The following GALNT9 variants were observed in gnomAD, a reference collection of about 807,000 sequenced individuals.
GALNT9 encodes the protein GalNAc transferase 9.
Under a neutral mutation model 63.1 loss-of-function variants are expected in GALNT9, and 47 were observed. The ratio of observed to expected loss-of-function variants is 0.75; its 90% CI spans 0.59 to 0.95. The LOEUF (loss-of-function observed/expected upper bound fraction) is 0.95, where lower values mean the gene tolerates loss of function less well. GALNT9 is among the 40% of genes least tolerant of loss of function. The pLI is 0.00. For synonymous variants in GALNT9, 396 were observed against 365.7 expected (o/e 1.08, Z -0.94); for missense variants, 829 against 874.8 (o/e 0.95, Z 0.66).
At chr12:132,198,512 T>G (rs1276257181) in intron 9 of GALNT9, among the ~76,000 whole-genome samples, 90 of 150,556 alleles carry the variant, frequency 6.0e-4, no homozygotes, top group Non-Finnish European at 1.2e-4. Context: ...AACAGCACTA[T>G]TGCCGTGTTA....
At chr12:132,272,864 G>A (rs1331340445) in intron 2 of GALNT9, 1 of 152,264 alleles carries the variant, frequency 6.6e-6, no homozygotes, top group Non-Finnish European at 1.5e-5. Flanking sequence ...TGGACCTCGT[G>A]TGCCTTCCCC....
intron 6 of GALNT9, among the ~76,000 whole-genome samples, chr12:132,204,672 G>T (rs530310229): frequency 6.6e-6 from 1 of 152,014 alleles, no homozygotes; most frequent in African/African-American, 2.4e-5. Context: ...CTAAGCCCAC[G>T]TCCCCACCAT....
intron 6 of GALNT9, among the ~76,000 whole-genome samples, chr12:132,225,559 CAT>C (rs1877637713): frequency 6.8e-6 from 1 of 146,746 alleles, no homozygotes; most frequent in African/African-American, 2.5e-5. Context: ...CCACACTGTA[CAT>C]ACACACCCCA....
In GALNT9 at chr12:132,316,871, G is replaced by A. The variant is rs1009070780; in HGVS notation, c.238+12095C>T. On this transcript the variant is annotated intron_variant, in intron 1 of 10. Coordinates refer to ENST00000328957, the MANE Select transcript of GALNT9 (RefSeq NM_001122636.2). The surrounding 1 kb of genome is among the most constrained non-coding windows in gnomAD (Gnocchi z 4.3). ...CAGCTACCAGCATCTAGTGGTTGGA[G>A]GCCAGGAATGCTGCATGGCCTGGCC... is the stretch of plus-strand genomic sequence containing the variant. Among the ~76,000 whole-genome samples the A allele has an allele frequency of 2.0e-5, 3 of 151,870 alleles. No homozygotes were observed. Among genetic ancestry groups the A allele is most frequent in the Admixed American group, 2.0e-4 (3 of 15,256 alleles).
At chr12:132,199,578 C>T (rs1381028598) in intron 8 of GALNT9, among the ~76,000 whole-genome samples, 1 of 152,174 alleles carries the variant, frequency 6.6e-6, no homozygotes, top group African/African-American at 2.4e-5. Context: ...CCGCCTGCTC[C>T]CTGTGCCCTT....
chr12:132,266,314 T>C (rs1879595833), intron 2 of GALNT9, among the ~76,000 whole-genome samples: 1 of 152,256 alleles, frequency 6.6e-6, no homozygotes. Context: ...AGCAGCGCCT[T>C]TGCTTTGTGA....
At chr12:132,197,630 G>A (rs1175021524) in intron 10 of GALNT9, among the ~76,000 whole-genome samples, 162 bp downstream of exon 10, 1 of 149,812 alleles carries the variant, frequency 6.7e-6, no homozygotes, top group Non-Finnish European at 1.5e-5. Flanking sequence ...GTGAGCGTCG[G>A]GGCCCATAAG....
At chr12:132,203,856 T>G (rs1235321512) in intron 6 of GALNT9, among the ~76,000 whole-genome samples, 166 bp from the exon 7 acceptor site, 7 of 151,974 alleles carry the variant, frequency 4.6e-5, no homozygotes, top group Non-Finnish European at 8.8e-5. Context: ...GGGGGCTGTT[T>G]TCAGGGGACC....
chr12:132,303,609 A>G (rs71277228), intron 1 of GALNT9, among the ~76,000 whole-genome samples: 285 of 4,536 alleles, frequency 0.063, 7 homozygotes, highest in East Asian at 0.4. Flanking sequence ...CCTCGCCCGG[A>G]CACACCCTCA....
At chr12:132,221,476 T>C (rs918406745) in intron 6 of GALNT9, among the ~76,000 whole-genome samples, 10 of 145,572 alleles carry the variant, frequency 6.9e-5, no homozygotes, top group African/African-American at 2.6e-4. Flanking sequence ...CTGGCCAACA[T>C]GGTGAAACCC....
rs2136898305 is a variant in GALNT9, at chr12:132,240,478, G to A, written c.1077+7432C>T. 3,256 of 387,564 alleles carry A rather than the reference G, an allele frequency of 8.4e-3. 117 individuals carry two copies. Among genetic ancestry groups the A allele is most frequent in the East Asian group, 0.055 (744 of 13,538 alleles). 24.0% of individuals were successfully genotyped at this position (387,564 alleles called of 1,614,324 possible). On this transcript the variant is annotated intron_variant, in intron 6 of 10. Transcript: ENST00000328957. The stretch of plus-strand genomic sequence containing the variant: ...CTCAGAACGGAGCAAGAATAGCCGT[G>A]CCCAGCTCGGACCCCGGGCGGCACT...
At chr12:132,288,801 A>C (rs111971736) in intron 1 of GALNT9, among the ~76,000 whole-genome samples, 5,523 of 124,700 alleles carry the variant, frequency 0.044, 341 homozygotes, top group African/African-American at 0.16. Flanking sequence ...CAGCGTTGGA[A>C]CCGGCAGGAG....
chr12:132,267,781 GCA>G (rs1555240320), intron 2 of GALNT9, among the ~76,000 whole-genome samples: 3 of 93,278 alleles, frequency 3.2e-5, no homozygotes, highest in Non-Finnish European at 5.9e-5. Flanking sequence ...TCACACACAC[GCA>G]CACACACGCA....
chr12:132,322,270 A>G (rs1295225717), intron 1 of GALNT9, among the ~76,000 whole-genome samples: 1 of 152,110 alleles, frequency 6.6e-6, no homozygotes, highest in Non-Finnish European at 1.5e-5. Context: ...GGACCATGCA[A>G]CTTACTCACT....
chr12:132,314,175 A>C (rs1407142383), intron 1 of GALNT9, among the ~76,000 whole-genome samples: 2 of 58,044 alleles, frequency 3.4e-5, no homozygotes, highest in African/African-American at 7.3e-5. Flanking sequence ...CCTACCCACC[A>C]TCATCCATTT....
At chr12:132,324,098 T>G (rs1868923115) in intron 1 of GALNT9, among the ~76,000 whole-genome samples, 1 of 152,230 alleles carries the variant, frequency 6.6e-6, no homozygotes, top group Admixed American at 6.5e-5. Context: ...AGCTTTCTGC[T>G]GGAAACCGCA....
intron 1 of GALNT9, among the ~76,000 whole-genome samples, chr12:132,292,048 G>C (rs1168887957): frequency 6.6e-6 from 1 of 152,088 alleles, no homozygotes; most frequent in Non-Finnish European, 1.5e-5. Flanking sequence ...TCGGACCTCA[G>C]CTCTGGGTTG....
intron 2 of GALNT9, chr12:132,273,064 T>C (rs1286279218): frequency 6.6e-6 from 1 of 152,326 alleles, no homozygotes; most frequent in African/African-American, 2.4e-5. Context: ...GTCTGTTCTA[T>C]GAAATCACAG....
Position 132,217,632 on chromosome 12 carries a change from C to CCATCCCATCCACCCACT in GALNT9, c.1078-13959_1078-13943dup, listed in dbSNP as rs1362640174. 2.1e-4 allele frequency among the ~76,000 whole-genome samples: 31 copies of CCATCCCATCCACCCACT among 150,996 alleles called. No individual in the cohort carries two copies. The East Asian group carries it at 5.5e-3, about 27-fold the overall frequency. Reference sequence around the variant, plus strand: ...TCCAGCCATCCATCCATCCATTCACCCATCCCATCCACCCACTCATCCATC... The same window carrying CCATCCCATCCACCCACT: ...TCCAGCCATCCATCCATCCATTCACCCATCCCATCCACCCACTCATCCCATCCACCCACTCATCCATC... On this transcript the variant is annotated intron_variant, in intron 6 of 10. Transcript: ENST00000328957.
Sources: allele counts gnomAD v4.1 joint callset (sites outside exome capture counted in the v4.1 genomes callset), GRCh38; gene constraint gnomAD v4.1.1; non-coding constraint Gnocchi (gnomAD v3.1); transcripts MANE v1.5; gene names NCBI Gene and HGNC (gene_info 2026-07-23, HGNC 2026-07-21).